PTPRD: variants seen among roughly 807,000 people sequenced by gnomAD.
PTPRD encodes receptor-type tyrosine-protein phosphatase delta.
Under a neutral mutation model 214.5 loss-of-function variants are expected in PTPRD, and 34 were observed. That is an observed-to-expected ratio of 0.16 (90% CI 0.12 to 0.21). The LOEUF is 0.21. Among genes scored for constraint, PTPRD ranks in the 10% least tolerant of loss-of-function variants. The probability of loss-of-function intolerance (pLI) is 1.00; values close to 1 mark genes in which losing one functional copy is unlikely to be tolerated. For missense variants in PTPRD, 2,545 were observed against 2,398.7 expected (o/e 1.06, Z -1.27); for synonymous variants, 1,128 against 845.7 (o/e 1.33, Z -5.79).
chr9:10,304,851 C>T (rs761573202), intron 3 of PTPRD, among the ~76,000 whole-genome samples: 9 of 152,094 alleles, frequency 5.9e-5, no homozygotes, highest in Non-Finnish European at 1.2e-4. Context: ...TTTATAGATT[C>T]AATGCTATTT....
At position 8,316,865 on chromosome 9, in the gene PTPRD, C is replaced by T. The variant is rs145759921; in HGVS notation, c.*1009G>A. On this transcript the variant is annotated 3_prime_UTR_variant, in exon 46 of 46. Transcript: ENST00000381196. ...AGAGATGTTTACAATAGCTTTTCTA[C>T]GTTTAAAAAAACTAAATCATGGAAG... 1.1e-3 allele frequency: 242 copies of T among 229,876 alleles called. 1 individual carries two copies. Among genetic ancestry groups the T allele is most frequent in the African/African-American group, 5.0e-3 (222 of 44,532 alleles). The allele number at this position is 229,876 out of a possible 1,614,324, so 14.2% of individuals were successfully genotyped here. A position where few individuals can be genotyped will look rare whatever the true frequency, so the allele number is the denominator to read the frequency against.
At chr9:10,418,330 A>AT (rs971974959) in intron 2 of PTPRD, among the ~76,000 whole-genome samples, 2 of 151,632 alleles carry the variant, frequency 1.3e-5, no homozygotes, top group Non-Finnish European at 2.9e-5. Flanking sequence ...CCCTTGGTTA[A>AT]TTTTTTTAAG....
intron 14 of PTPRD, among the ~76,000 whole-genome samples, chr9:8,558,780 C>A (rs1458297329): frequency 1.3e-5 from 2 of 152,080 alleles, no homozygotes; most frequent in Non-Finnish European, 2.9e-5. Context: ...CTTTATGACA[C>A]CTTATCTTAC....
chr9:10,024,482 G>A (rs1437446194), intron 4 of PTPRD, among the ~76,000 whole-genome samples: 1 of 151,946 alleles, frequency 6.6e-6, no homozygotes, highest in African/African-American at 2.4e-5. Context: ...GATACTTTAA[G>A]GAAAAATATG....
intron 7 of PTPRD, among the ~76,000 whole-genome samples, chr9:9,598,386 T>C (rs2093517558): frequency 6.6e-6 from 1 of 152,000 alleles, no homozygotes. Context: ...ATCCTGCCTT[T>C]ACTATTCTCT....
intron 2 of PTPRD, among the ~76,000 whole-genome samples, chr9:10,406,819 C>T (rs1250436216): frequency 1.1e-4 from 1 of 9,296 alleles, no homozygotes; most frequent in African/African-American, 1.8e-4. Context: ...AATTGTTAGA[C>T]TAAAGATGTT....
intron 3 of PTPRD, among the ~76,000 whole-genome samples, chr9:10,227,089 T>G (rs2154353237): frequency 6.6e-6 from 1 of 152,104 alleles, no homozygotes; most frequent in East Asian, 1.9e-4. Flanking sequence ...ATATTGACTA[T>G]CACACGAAAA....
chr9:9,914,631 C>T lies in PTPRD; in HGVS notation c.-368+23876G>A, dbSNP rs77736028. Among the ~76,000 whole-genome samples the T allele has an allele frequency of 2.0e-3, 306 of 152,272 alleles. 7 individuals are homozygous for T. In the East Asian group the frequency reaches 0.048, roughly 24 times the overall value. On this transcript the variant is annotated intron_variant, in intron 5 of 45. Coordinates refer to ENST00000381196, the MANE Select transcript of PTPRD (RefSeq NM_002839.4). The stretch of plus-strand genomic sequence containing the variant: ...CGTGTTTACCGCGCCTGTGTTCTGG[C>T]ACTGTAGGCAACCCACAGCAAACAT...
At chr9:9,375,675 G>C (rs935013632) in intron 9 of PTPRD, among the ~76,000 whole-genome samples, 1 of 152,086 alleles carries the variant, frequency 6.6e-6, no homozygotes, top group African/African-American at 2.4e-5. Flanking sequence ...AAAATATTTT[G>C]CTATGTGAAA....
intron 11 of PTPRD, among the ~76,000 whole-genome samples, chr9:8,835,162 T>A (rs138764451): frequency 2.0e-5 from 3 of 152,142 alleles, no homozygotes; most frequent in African/African-American, 7.2e-5. Flanking sequence ...AGAAACGAAA[T>A]GACCCCAGCT....
At chr9:8,644,937 T>C (rs2096655482) in intron 12 of PTPRD, among the ~76,000 whole-genome samples, 1 of 152,258 alleles carries the variant, frequency 6.6e-6, no homozygotes, top group African/African-American at 2.4e-5. Flanking sequence ...AAAACTTGGA[T>C]AAAGGTGCCA....
At chr9:8,933,124 G>C (rs1588316571) in intron 11 of PTPRD, among the ~76,000 whole-genome samples, 1 of 151,980 alleles carries the variant, frequency 6.6e-6, no homozygotes, top group East Asian at 1.9e-4. Flanking sequence ...AGGGGAGGGA[G>C]TTCCCCGACC....
At chr9:9,312,434 CTTCTT>C (rs1212650695) in intron 9 of PTPRD, among the ~76,000 whole-genome samples, 1 of 151,144 alleles carries the variant, frequency 6.6e-6, no homozygotes, top group African/African-American at 2.5e-5. Context: ...TCAACATCAT[CTTCTT>C]TTAATGTAGA....
chr9:8,860,122 T>C (rs1210310129), intron 11 of PTPRD: 1 of 152,168 alleles, frequency 6.6e-6, no homozygotes, highest in Non-Finnish European at 1.5e-5. Flanking sequence ...ACTTTCCTCA[T>C]CCAAAGTTGC....
intron 2 of PTPRD, among the ~76,000 whole-genome samples, chr9:10,567,318 A>G (rs1352472370): frequency 1.3e-5 from 2 of 152,180 alleles, no homozygotes; most frequent in East Asian, 1.9e-4. Context: ...AATCTATCAC[A>G]TATTCATAAT....
At chr9:10,080,524 C>T (rs1186253648) in intron 3 of PTPRD, among the ~76,000 whole-genome samples, 1 of 152,054 alleles carries the variant, frequency 6.6e-6, no homozygotes, top group Admixed American at 6.6e-5. Context: ...CAAGCTTAAA[C>T]TGCTTAAACT....
intron 5 of PTPRD, among the ~76,000 whole-genome samples, chr9:9,827,006 A>G (rs1292409737): frequency 6.6e-6 from 1 of 152,166 alleles, no homozygotes; most frequent in African/African-American, 2.4e-5. Flanking sequence ...ATAAATGAGG[A>G]TACAAACAAA....
intron 9 of PTPRD, among the ~76,000 whole-genome samples, chr9:9,369,691 T>G (rs1212029044): frequency 6.6e-6 from 1 of 152,180 alleles, no homozygotes; most frequent in African/African-American, 2.4e-5. Context: ...TGCCCATGCC[T>G]ATGTCCTGAA....
chr9:9,406,154 A>C (rs1409496154), intron 8 of PTPRD, among the ~76,000 whole-genome samples: 1 of 151,988 alleles, frequency 6.6e-6, no homozygotes, highest in Non-Finnish European at 1.5e-5. Context: ...TTGCATACCT[A>C]AGAAGACAAA....
Sources: gnomAD v4.1 joint callset for allele counts (sites outside exome capture counted in the v4.1 genomes callset) on GRCh38, gnomAD v4.1.1 for gene constraint, MANE v1.5 for transcripts, NCBI Gene and HGNC (gene_info 2026-07-23, HGNC 2026-07-21) for gene names.